Variants in SRGAP2C observed in about 807,000 individuals in gnomAD.
The protein encoded by SRGAP2C is SLIT-ROBO Rho GTPase activating protein 2C.
A neutral mutation model predicts 25.1 loss-of-function variants in SRGAP2C; 15 were observed. That is an observed-to-expected ratio of 0.60 (90% CI 0.40 to 0.92). SRGAP2C has a LOEUF of 0.92. SRGAP2C is among the 40% of genes least tolerant of loss of function. SRGAP2C has a pLI of 0.00. For synonymous variants in SRGAP2C, 44 were observed against 96.6 expected (o/e 0.46, Z 3.19); for missense variants, 144 against 264.4 (o/e 0.54, Z 3.16).
chr1:121,335,621 T>A (rs1174311047), intron 4 of SRGAP2C, among the ~76,000 whole-genome samples: 2 of 150,286 alleles, frequency 1.3e-5, no homozygotes, highest in Non-Finnish European at 3.0e-5. Flanking sequence ...ACCATCATGC[T>A]TGGCTAATTT....
chr1:121,310,320 AT>A (rs1657953327), intron 3 of SRGAP2C, among the ~76,000 whole-genome samples: 1 of 99,792 alleles, frequency 1.0e-5, no homozygotes, highest in Admixed American at 1.1e-4. Flanking sequence ...GATTCTGGAT[AT>A]TAGCCCTTTG....
At chr1:121,272,925 T>C (rs1297446382) in intron 2 of SRGAP2C, among the ~76,000 whole-genome samples, 1 of 150,340 alleles carries the variant, frequency 6.7e-6, no homozygotes, top group Non-Finnish European at 1.5e-5. Context: ...TCTTTTATTC[T>C]TCATAACAAT....
chr1:121,200,108 G>A (rs1654942237), intron 2 of SRGAP2C, among the ~76,000 whole-genome samples: 1 of 149,042 alleles, frequency 6.7e-6, no homozygotes, highest in African/African-American at 2.4e-5. Flanking sequence ...AGGTGAACTT[G>A]TGACTGGATC....
chr1:121,327,103 T>C (rs1658330986), intron 4 of SRGAP2C, among the ~76,000 whole-genome samples: 1 of 149,498 alleles, frequency 6.7e-6, no homozygotes, highest in African/African-American at 2.5e-5. Context: ...CAGAAAACTC[T>C]TAAATTAGGA....
intron 3 of SRGAP2C, among the ~76,000 whole-genome samples, chr1:121,286,156 G>A (rs1328540340): frequency 1.9e-4 from 29 of 151,156 alleles, no homozygotes; most frequent in African/African-American, 6.3e-4. Flanking sequence ...CATTGTGATC[G>A]GAGTTAATCT....
Position 121,347,427 on chromosome 1 carries a change from G to A in SRGAP2C, c.424-17866G>A, listed in dbSNP as rs1464273029. 7.9e-3 allele frequency among the ~76,000 whole-genome samples: 1,079 copies of A among 136,280 alleles called. 17 individuals carry two copies. Among genetic ancestry groups the A allele is most frequent in the African/African-American group, 0.029 (1,027 of 35,684 alleles). 89.4% of individuals were successfully genotyped at this position (136,280 alleles called of 152,430 possible). ...GCTTTAAAAAAAAATGCTTCTAAAT[G>A]TCTACATACTTGCCTAAGAAAATAT... On this transcript the variant is annotated intron_variant, in intron 4 of 9. Coordinates refer to ENST00000367123, the MANE Select transcript of SRGAP2C (RefSeq NM_001329984.2).
chr1:121,233,084 G>A (rs1191655077), intron 2 of SRGAP2C, among the ~76,000 whole-genome samples: 3 of 125,076 alleles, frequency 2.4e-5, no homozygotes, highest in East Asian at 2.4e-4. Context: ...TCTGGACAAC[G>A]TGGACCTTGA....
At chr1:121,239,229 CTATATATATATATAT>C (rs1558090681) in intron 2 of SRGAP2C, among the ~76,000 whole-genome samples, 39 of 994 alleles carry the variant, frequency 0.039, 1 homozygote, top group Non-Finnish European at 0.043. Flanking sequence ...TATATATATA[CTATATATATATATAT>C]ACTATATATA....
rs1181025618 is a variant in SRGAP2C at position 121,249,546 on chromosome 1, CTATATATA to C, written c.68-35229_68-35222del. Among the ~76,000 whole-genome samples, 30 of 40,150 alleles carry C rather than the reference CTATATATA, an allele frequency of 7.5e-4. 2 individuals carry two copies. The highest frequency in any genetic ancestry group is 1.5e-3 in the Admixed American group (4 of 2,752). The allele number at this position is 40,150 out of a possible 152,430, so 26.3% of individuals were successfully genotyped here. A position where few individuals can be genotyped will look rare whatever the true frequency, so the allele number is the denominator to read the frequency against. ...CAAAAGGGCTTATGATGAACATGGA[CTATATATA>C]TATATATATATATATATATATATAT... is the stretch of plus-strand genomic sequence containing the variant. On this transcript the variant is annotated intron_variant, in intron 2 of 9. Coordinates refer to ENST00000367123, the MANE Select transcript of SRGAP2C (RefSeq NM_001329984.2).
chr1:121,320,923 T>C (rs1455149169), intron 3 of SRGAP2C, among the ~76,000 whole-genome samples: 1 of 152,194 alleles, frequency 6.6e-6, no homozygotes, highest in South Asian at 2.1e-4. Flanking sequence ...GCCTAGGCCC[T>C]TGAGCCTTCT....
chr1:121,337,564 A>T (rs1658544830), intron 4 of SRGAP2C, among the ~76,000 whole-genome samples: 1 of 151,952 alleles, frequency 6.6e-6, no homozygotes, highest in South Asian at 2.1e-4. Flanking sequence ...CCTGGGAGGC[A>T]GAGGTTGCAG....
chr1:121,376,036 G>T, intron 7 of SRGAP2C, among the ~76,000 whole-genome samples: 1 of 136,726 alleles, frequency 7.3e-6, no homozygotes, highest in Non-Finnish European at 1.6e-5. Context: ...AGTTATTCTT[G>T]GCCTTGTTTT....
chr1:121,213,274 G>A (rs1414237077), intron 2 of SRGAP2C, among the ~76,000 whole-genome samples: 51 of 149,376 alleles, frequency 3.4e-4, no homozygotes, highest in Non-Finnish European at 6.5e-4. Flanking sequence ...TTGAACTCCC[G>A]GCCTCGAGCA....
chr1:121,370,439 CTTT>C (rs201539761), intron 5 of SRGAP2C, among the ~76,000 whole-genome samples: 97 of 81,654 alleles, frequency 1.2e-3, no homozygotes, highest in South Asian at 2.4e-3. Context: ...CTCAGACTTC[CTTT>C]TTTTTTTTTT....
chr1:121,277,660 C>T (rs1334027883), intron 2 of SRGAP2C, among the ~76,000 whole-genome samples: 2 of 114,816 alleles, frequency 1.7e-5, no homozygotes, highest in East Asian at 4.8e-4. Context: ...TTTCCTTCTC[C>T]CCATCTCTCA....
At chr1:121,233,207 T>C (rs587674281) in intron 2 of SRGAP2C, among the ~76,000 whole-genome samples, 3 of 103,532 alleles carry the variant, frequency 2.9e-5, no homozygotes, top group Admixed American at 1.0e-4. Context: ...GGTGCAGTGG[T>C]GCGATCTTGG....
intron 2 of SRGAP2C, among the ~76,000 whole-genome samples, chr1:121,248,477 T>C (rs1377384596): frequency 1.5e-5 from 2 of 133,646 alleles, no homozygotes; most frequent in Non-Finnish European, 3.3e-5. Flanking sequence ...GACGGAGTCT[T>C]GCTCTGTCGC....
chr1:121,191,509 G>A (rs1487382244), intron 2 of SRGAP2C, among the ~76,000 whole-genome samples: 1 of 148,704 alleles, frequency 6.7e-6, no homozygotes, highest in Non-Finnish European at 1.5e-5. Context: ...GAGGGCTGAT[G>A]TACATTAATC....
intron 2 of SRGAP2C, among the ~76,000 whole-genome samples, chr1:121,191,224 T>C (rs1418008216): frequency 1.3e-5 from 2 of 152,098 alleles, no homozygotes; most frequent in Non-Finnish European, 2.9e-5. Flanking sequence ...TCCCCCAGGA[T>C]ACCAAAATCT....
Sources: allele counts gnomAD v4.1 joint callset (sites outside exome capture counted in the v4.1 genomes callset), GRCh38; gene constraint gnomAD v4.1.1; transcripts MANE v1.5; gene names NCBI Gene and HGNC (gene_info 2026-07-23, HGNC 2026-07-21).